The following MRPS18B variants were observed in gnomAD, a reference collection of about 807,000 sequenced individuals.
MRPS18B encodes the protein small ribosomal subunit protein mS40.
Under a neutral mutation model 28.4 loss-of-function variants are expected in MRPS18B, and 27 were observed. The ratio of observed to expected loss-of-function variants is 0.95; its 90% CI spans 0.70 to 1.31. The LOEUF is 1.31. MRPS18B is among the 40% of genes most tolerant of loss of function. The probability of loss-of-function intolerance (pLI) is 0.00; values close to 1 mark genes in which losing one functional copy is unlikely to be tolerated. For synonymous variants in MRPS18B, 118 were observed against 123.7 expected (o/e 0.95, Z 0.30); for missense variants, 343 against 335.9 (o/e 1.02, Z -0.17).
In MRPS18B at chr6:30,619,945, C is replaced by G; in HGVS notation, c.310C>G (p.Pro104Ala). The change falls in exon 4 of 7, where the codon CCC becomes GCC. Residue 104 changes from proline to alanine, a missense_variant. Transcript: ENST00000259873. ...GCGTCGGAATAAAGTTGTTGGGAAT[C>G]CCTGCCCCATCTGTCGAGATCACAA... The part of the protein sequence containing the change: ...CIRRNKVVGN[P>A]CPICRDHKLH... The G allele has an allele frequency of 6.2e-7, 1 of 1,614,144 alleles. No homozygotes were observed. Among genetic ancestry groups the G allele is most frequent in the Non-Finnish European group, 8.5e-7 (1 of 1,180,010 alleles).
At chr6:30,625,305 A>T (rs915182146) in intron 6 of MRPS18B, among the ~76,000 whole-genome samples, 197 bp from the exon 7 acceptor site, 2 of 152,180 alleles carry the variant, frequency 1.3e-5, no homozygotes, top group Non-Finnish European at 2.9e-5. Flanking sequence ...AGCACTGCAC[A>T]GCTTTGTAAG....
At chr6:30,622,327 C>G (rs1242832973) in intron 4 of MRPS18B, among the ~76,000 whole-genome samples, 1 of 151,790 alleles carries the variant, frequency 6.6e-6, no homozygotes, top group Non-Finnish European at 1.5e-5. Context: ...CTTTCTGAGG[C>G]CAAGGTGGGT....
intron 5 of MRPS18B, 100 bp from the exon 6 acceptor site, chr6:30,624,783 A>G (rs1343640893): frequency 3.4e-5 from 46 of 1,366,522 alleles, no homozygotes; most frequent in Non-Finnish European, 4.6e-5. Flanking sequence ...TCATTAGGTA[A>G]AGCCAATCCT....
chr6:30,617,879 T>C lies in MRPS18B; in HGVS notation c.14T>C (p.Val5Ala), dbSNP rs1439662352. 1 of 1,614,054 alleles carries C rather than the reference T, an allele frequency of 6.2e-7. No homozygotes were observed. Among genetic ancestry groups the C allele is most frequent in the East Asian group, 2.2e-5 (1 of 44,892 alleles). The change falls in exon 1 of 7, where the codon GTA (valine) becomes GCA (alanine). Residue 5 changes from valine (V) to alanine (A), a missense_variant. Coordinates refer to ENST00000259873, the MANE Select transcript of MRPS18B (RefSeq NM_014046.4). MAAS[V>A]LNTVLRRLPM... ...GCGTACGTCAAGATGGCGGCGTCTG[T>C]ATTAAACACCGTGCTGAGGCGGCTT...
chr6:30,622,111 G>A (rs1413009027), intron 4 of MRPS18B, among the ~76,000 whole-genome samples: 2 of 151,950 alleles, frequency 1.3e-5, no homozygotes, highest in Non-Finnish European at 2.9e-5. Flanking sequence ...AGAGTTCTAT[G>A]TAAATTGTAA....
chr6:30,622,688 T>C (rs987018800), intron 4 of MRPS18B, 144 bp from the exon 5 acceptor site: 13 of 696,262 alleles, frequency 1.9e-5, no homozygotes, highest in Admixed American at 4.3e-5. Flanking sequence ...AACTGGGACA[T>C]GAAGGAGGAT....
chr6:30,620,316 CA>C (rs546744226), intron 4 of MRPS18B, among the ~76,000 whole-genome samples: 3,716 of 137,670 alleles, frequency 0.027, 115 homozygotes, highest in African/African-American at 0.081. Context: ...GACTCCGTCT[CA>C]AAAAAAAAAT....
chr6:30,623,032 T>C, intron 5 of MRPS18B, 134 bp downstream of exon 5: 1 of 885,800 alleles, frequency 1.1e-6, no homozygotes, highest in Non-Finnish European at 1.8e-6. Flanking sequence ...TTTGGAAATC[T>C]TGGCTTGCTG....
chr6:30,624,632 G>T (rs77159921), intron 5 of MRPS18B, among the ~76,000 whole-genome samples: 1,855 of 152,156 alleles, frequency 0.012, 29 homozygotes, highest in African/African-American at 0.032. Flanking sequence ...TCCCTGTCTT[G>T]GAGGTTTTAC....
intron 1 of MRPS18B, 141 bp downstream of exon 1, chr6:30,618,084 C>G (rs1467269342): frequency 1.2e-6 from 1 of 807,684 alleles, no homozygotes; most frequent in East Asian, 2.7e-5. Flanking sequence ...GCAACCCCCC[C>G]CCCACACCCC....
chr6:30,619,517 A>C lies in MRPS18B; in HGVS notation c.103A>C (p.Lys35Gln). 6.2e-7 allele frequency: 1 copy of C among 1,612,988 alleles called. No homozygotes were observed. The highest frequency in any genetic ancestry group is 8.5e-7 in the Non-Finnish European group (1 of 1,179,980). ...VQVPLQTLCT[K>Q]APSEEDSLSS... ...GGTTCCCCTCCAGACTCTTTGCACC[A>C]AAGCTCCCTCTGAGGAAGATTCTTT... Residue 35 changes from lysine (K) to glutamine (Q), a missense_variant, in exon 2 of 7, where the codon AAA (lysine) becomes CAA (glutamine). Physicochemically the swap from Lys to Gln is moderately conservative, Grantham distance 53. Transcript: ENST00000259873.
chr6:30,622,614 C>G (rs902346739), intron 4 of MRPS18B, among the ~76,000 whole-genome samples: 1 of 144,432 alleles, frequency 6.9e-6, no homozygotes, highest in Non-Finnish European at 1.5e-5. Flanking sequence ...TAAGAGATTT[C>G]TATGGGAGCA....
chr6:30,622,783 G>C, intron 4 of MRPS18B, 49 bp from the exon 5 acceptor site: 1 of 1,568,632 alleles, frequency 6.4e-7, no homozygotes, highest in Non-Finnish European at 8.8e-7. Context: ...AGATCCTGCT[G>C]CTCTCCCTGC....
At chr6:30,623,579 G>A (rs771229059) in intron 5 of MRPS18B, among the ~76,000 whole-genome samples, 14 of 152,068 alleles carry the variant, frequency 9.2e-5, no homozygotes, top group Non-Finnish European at 1.8e-4. Context: ...CAGTCACAGG[G>A]CAAATCTGGC....
At position 30,622,856 on chromosome 6, in the gene MRPS18B, G is replaced by T; in HGVS notation, c.379G>T (p.Val127Phe). The T allele has an allele frequency of 6.2e-7, 1 of 1,613,036 alleles. No homozygotes were observed. Among genetic ancestry groups the T allele is most frequent in the South Asian group, 1.1e-5 (1 of 91,090 alleles). ...GAACGTGAAGCTCTTGGAGCAATTT[G>T]TCTGCGCCCACACGGGTATCATCTT... ...FRNVKLLEQF[V>F]CAHTGIIFYA... is the part of the protein sequence containing the mutation. The change falls in exon 5 of 7, where the codon GTC (valine) becomes TTC (phenylalanine). Residue 127 changes from valine (V) to phenylalanine (F), a missense_variant. Transcript: ENST00000259873.
In MRPS18B at chr6:30,624,868, T is replaced by G. The variant is rs562310862; in HGVS notation, c.422-15T>G. Reference sequence around the variant, plus strand: ...TTACTGTGCCTTAAAGAACAAGATATTTTTCTCCCCACAGGAGTCTGTGTG... The same window carrying G: ...TTACTGTGCCTTAAAGAACAAGATAGTTTTCTCCCCACAGGAGTCTGTGTG... On this transcript the variant is annotated splice_polypyrimidine_tract_variant and intron_variant, in intron 5 of 6. Transcript: ENST00000259873. The G allele has an allele frequency of 1.8e-5, 29 of 1,611,044 alleles. No homozygotes were observed. In the South Asian group the frequency reaches 2.1e-4, roughly 12 times the overall value.
chr6:30,625,883 T>G lies in MRPS18B; in HGVS notation c.*86T>G, dbSNP rs1042893123. 7.1e-7 allele frequency: 1 copy of G among 1,415,168 alleles called. No homozygotes were observed. Among genetic ancestry groups the G allele is most frequent in the African/African-American group, 1.4e-5 (1 of 69,664 alleles). The allele number at this position is 1,415,168 out of a possible 1,614,324, so 87.7% of individuals were successfully genotyped here. A position where few individuals can be genotyped will look rare whatever the true frequency, so the allele number is the denominator to read the frequency against. On this transcript the variant is annotated 3_prime_UTR_variant, in exon 7 of 7. Transcript: ENST00000259873. ...TGGGAAGCCAAGGTGGGCTGATCAC[T>G]TGATCCCAGGAGTTTGAGACCAGCC...
chr6:30,620,617 T>C (rs1761097940), intron 4 of MRPS18B, among the ~76,000 whole-genome samples: 1 of 152,032 alleles, frequency 6.6e-6, no homozygotes, highest in Non-Finnish European at 1.5e-5. Flanking sequence ...TTGCCAAGGC[T>C]GGAGTGCAGT....
Position 30,625,488 on chromosome 6 carries a change from T to G in MRPS18B, c.482-14T>G, listed in dbSNP as rs754598401. ...CATTGCCTCTTAAATTTCTTTTCTT[T>G]TTTAATCCCTTAGGTCTCCTCATTT... On this transcript the variant is annotated splice_polypyrimidine_tract_variant and intron_variant, in intron 6 of 6. Coordinates refer to ENST00000259873, the MANE Select transcript of MRPS18B (RefSeq NM_014046.4). 5.3e-6 allele frequency: 8 copies of G among 1,516,206 alleles called. No homozygotes were observed. In the South Asian group the frequency reaches 9.1e-5, roughly 17 times the overall value. The allele number at this position is 1,516,206 out of a possible 1,614,324, so 93.9% of individuals were successfully genotyped here.
Sources: gnomAD v4.1 joint callset for allele counts (sites outside exome capture counted in the v4.1 genomes callset) on GRCh38, gnomAD v4.1.1 for gene constraint, MANE v1.5 for transcripts, NCBI Gene and HGNC (gene_info 2026-07-23, HGNC 2026-07-21) for gene names.